Variants in TRHDE observed in about 807,000 individuals in gnomAD.
TRHDE encodes thyrotropin-releasing hormone-degrading ectoenzyme.
A neutral mutation model predicts 125.7 loss-of-function variants in TRHDE; 72 were observed. That is an observed-to-expected ratio of 0.57 (90% CI 0.47 to 0.70). TRHDE has a LOEUF of 0.70. Ranked by LOEUF, TRHDE falls within the 30% of genes least tolerant of loss-of-function variation. TRHDE has a pLI of 0.00. For missense variants in TRHDE, 1,110 were observed against 1,327.1 expected, an observed-to-expected ratio of 0.84 and a Z score of 2.54; for synonymous variants, 509 against 509.1, an observed-to-expected ratio of 1.00 and a Z score of 0.00.
At chr12:72,520,225 C>T (rs1036610088) in intron 6 of TRHDE, among the ~76,000 whole-genome samples, 5 of 151,838 alleles carry the variant, frequency 3.3e-5, no homozygotes, top group African/African-American at 9.6e-5. Context: ...CAATGGCGGG[C>T]GCCCCTCCCC....
chr12:72,268,219 T>C (rs1274690614), upstream of TRHDE, among the ~76,000 whole-genome samples: 1 of 152,120 alleles, frequency 6.6e-6, no homozygotes, highest in Non-Finnish European at 1.5e-5. Context: ...TCTCATACGA[T>C]ACATCAGTCT....
intron 12 of TRHDE, among the ~76,000 whole-genome samples, chr12:72,604,236 G>A (rs1226520693): frequency 1.3e-5 from 2 of 152,042 alleles, no homozygotes; most frequent in South Asian, 2.1e-4. Context: ...AGACAAATCC[G>A]TAGGAAAAAA....
chr12:72,366,674 A>T (rs1229892552), intron 2 of TRHDE, among the ~76,000 whole-genome samples: 1 of 152,068 alleles, frequency 6.6e-6, no homozygotes, highest in Admixed American at 6.6e-5. Flanking sequence ...AACCTACAAA[A>T]TAAGGGCCAT....
chr12:72,354,836 C>G (rs1870741221), intron 2 of TRHDE, among the ~76,000 whole-genome samples: 1 of 150,956 alleles, frequency 6.6e-6, no homozygotes, highest in Admixed American at 6.6e-5. Flanking sequence ...GCTAGAAGTG[C>G]AAAAGTGAAT....
intron 2 of TRHDE, among the ~76,000 whole-genome samples, chr12:72,157,803 T>A (rs960291617): frequency 6.6e-6 from 1 of 152,066 alleles, no homozygotes; most frequent in Admixed American, 6.6e-5. Flanking sequence ...GAGATGGAAA[T>A]TTGGAGATAC....
At chr12:72,576,774 C>T (rs1871014343) in intron 12 of TRHDE, among the ~76,000 whole-genome samples, 1 of 152,080 alleles carries the variant, frequency 6.6e-6, no homozygotes. Context: ...TCTGACCAGG[C>T]ATGTACAATT....
At chr12:72,140,858 A>G (rs1876095648) in intron 2 of TRHDE, among the ~76,000 whole-genome samples, 1 of 152,192 alleles carries the variant, frequency 6.6e-6, no homozygotes, top group African/African-American at 2.4e-5. Context: ...ATTGAGCAGA[A>G]CATAAATATT....
At chr12:72,608,432 G>T (rs1872528983) in intron 12 of TRHDE, among the ~76,000 whole-genome samples, 1 of 152,108 alleles carries the variant, frequency 6.6e-6, no homozygotes, top group African/African-American at 2.4e-5. Flanking sequence ...ACTTCTGAAA[G>T]CAAAGTGTTA....
intron 10 of TRHDE, among the ~76,000 whole-genome samples, chr12:72,573,544 T>C (rs1338282450): frequency 6.6e-6 from 1 of 151,902 alleles, no homozygotes; most frequent in Non-Finnish European, 1.5e-5. Context: ...TATTTGTCCC[T>C]CAGGTTACAA....
At chr12:72,244,146 A>G (rs1878531939) in intron 2 of TRHDE, among the ~76,000 whole-genome samples, 1 of 152,168 alleles carries the variant, frequency 6.6e-6, no homozygotes, top group Admixed American at 6.5e-5. Context: ...CATTGTTTGC[A>G]CATTGGTGTA....
intron 2 of TRHDE, among the ~76,000 whole-genome samples, chr12:72,316,139 C>A (rs970612072): frequency 6.6e-6 from 1 of 152,076 alleles, no homozygotes; most frequent in African/African-American, 2.4e-5. Flanking sequence ...ATGCACAAAT[C>A]CAAGGAAATT....
intron 6 of TRHDE, among the ~76,000 whole-genome samples, chr12:72,518,123 T>A (rs1161098709): frequency 6.6e-6 from 1 of 150,818 alleles, no homozygotes; most frequent in African/African-American, 2.5e-5. Context: ...TATATTCTGT[T>A]GATTTGGGGT....
At chr12:72,647,250 A>G (rs547986500) in intron 15 of TRHDE, among the ~76,000 whole-genome samples, 1 of 152,210 alleles carries the variant, frequency 6.6e-6, no homozygotes, top group Admixed American at 6.5e-5. Context: ...CCAAAAGGAA[A>G]GTAAAAACTA....
intron 2 of TRHDE, among the ~76,000 whole-genome samples, chr12:72,315,213 G>A (rs1868740598): frequency 6.6e-6 from 1 of 152,168 alleles, no homozygotes; most frequent in Admixed American, 6.5e-5. Context: ...CAAACCCTTT[G>A]CATAATTTAG....
chr12:72,279,104 A>C (rs962220646), intron 1 of TRHDE, among the ~76,000 whole-genome samples: 3 of 152,208 alleles, frequency 2.0e-5, no homozygotes, highest in Non-Finnish European at 4.4e-5. Context: ...TTTGGTTTGC[A>C]CAACATGTTT....
intron 2 of TRHDE, among the ~76,000 whole-genome samples, chr12:72,166,114 A>G (rs1431325342): frequency 2.4e-4 from 37 of 152,310 alleles, no homozygotes; most frequent in Admixed American, 2.4e-3. Context: ...ACAAACCCGT[A>G]CAGTGCAATA....
chr12:72,396,684 CA>C (rs1405650597), intron 3 of TRHDE, among the ~76,000 whole-genome samples: 4 of 152,148 alleles, frequency 2.6e-5, no homozygotes, highest in Non-Finnish European at 4.4e-5. Flanking sequence ...GCAGAGGTTG[CA>C]GTGAGCCGAG....
At chr12:72,165,841 A>G (rs950871790) in intron 2 of TRHDE, among the ~76,000 whole-genome samples, 4 of 151,808 alleles carry the variant, frequency 2.6e-5, no homozygotes, top group Non-Finnish European at 5.9e-5. Context: ...CGCCTGGCTA[A>G]TTTTTTTGTA....
intron 3 of TRHDE, among the ~76,000 whole-genome samples, chr12:72,428,887 G>A (rs1173539483): frequency 1.3e-5 from 2 of 151,962 alleles, no homozygotes; most frequent in Admixed American, 6.6e-5. Flanking sequence ...TTTTCACTTA[G>A]CATATGTTTC....
Sources: allele counts gnomAD v4.1 joint callset (sites outside exome capture counted in the v4.1 genomes callset), GRCh38; gene constraint gnomAD v4.1.1; transcripts MANE v1.5; gene names NCBI Gene and HGNC (gene_info 2026-07-23, HGNC 2026-07-21).